CNTN4: variants seen among roughly 807,000 people sequenced by gnomAD.
CNTN4 encodes the protein contactin 4, also known as contactin-4.
In CNTN4, 77 loss-of-function variants were observed where a neutral mutation model predicts 122.5. The observed-to-expected ratio is 0.63, with a 90% CI of 0.52 to 0.76. The LOEUF (loss-of-function observed/expected upper bound fraction) is 0.76, where lower values mean the gene tolerates loss of function less well. Among genes scored for constraint, CNTN4 ranks in the 30% least tolerant of loss-of-function variants. CNTN4 has a pLI of 0.00. For missense variants in CNTN4, 1,256 were observed against 1,259.1 expected, an observed-to-expected ratio of 1.00 and a Z score of 0.04; for synonymous variants, 512 against 447.0, an observed-to-expected ratio of 1.15 and a Z score of -1.83.
rs77035785 is a variant in CNTN4, at chr3:2,872,336, A to G, written c.652+5387A>G. Among the ~76,000 whole-genome samples the G allele has an allele frequency of 1.4e-4, 22 of 152,354 alleles. No individual in the cohort carries two copies. In the East Asian group the frequency reaches 3.3e-3, roughly 23 times the overall value. On this transcript the variant is annotated intron_variant, in intron 8 of 24. Transcript: ENST00000418658. ...GAGAAGATGAGATAATGTCTGTTAC[A>G]CTGTTTATGCACATTACATTACACA...
At chr3:2,255,975 C>T (rs959619000) in intron 2 of CNTN4, among the ~76,000 whole-genome samples, 3 of 151,694 alleles carry the variant, frequency 2.0e-5, no homozygotes, top group Admixed American at 1.3e-4. Flanking sequence ...CATGAAAAAC[C>T]CTTAAAAAAA....
chr3:2,480,253 G>T (rs1233287532), intron 3 of CNTN4, among the ~76,000 whole-genome samples: 1 of 152,018 alleles, frequency 6.6e-6, no homozygotes, highest in Non-Finnish European at 1.5e-5. Flanking sequence ...CATCATACTA[G>T]ATGTTTTTAG....
chr3:2,973,473 C>G (rs1251531301), intron 13 of CNTN4, among the ~76,000 whole-genome samples: 2 of 151,916 alleles, frequency 1.3e-5, no homozygotes, highest in Non-Finnish European at 2.9e-5. Flanking sequence ...TGAAAGTGTT[C>G]AAAACCATTG....
At chr3:2,205,445 G>T (rs1000494067) in intron 2 of CNTN4, among the ~76,000 whole-genome samples, 13 of 151,532 alleles carry the variant, frequency 8.6e-5, no homozygotes, top group African/African-American at 3.2e-4. Context: ...GGAGTCAGGT[G>T]GTTTTTCTCT....
chr3:2,534,922 C>T (rs75345673), intron 3 of CNTN4, among the ~76,000 whole-genome samples: 36,433 of 149,082 alleles, frequency 0.24, 4,748 homozygotes, highest in East Asian at 0.54. Flanking sequence ...GCATCTGAAA[C>T]GAGAAGTGTG....
chr3:2,974,444 T>C (rs1343992628), intron 13 of CNTN4, among the ~76,000 whole-genome samples: 2 of 152,218 alleles, frequency 1.3e-5, no homozygotes, highest in South Asian at 2.1e-4. Context: ...AATTTTTACA[T>C]TTAACCTTCT....
intron 6 of CNTN4, among the ~76,000 whole-genome samples, chr3:2,813,360 A>C (rs13095462): frequency 0.51 from 77,623 of 152,000 alleles, 20,029 homozygotes; most frequent in East Asian, 0.6. Context: ...TCTAAGGCCA[A>C]CCTGGGAGAA....
In CNTN4 at chr3:2,906,016, G is replaced by A. The variant is rs887325153; in HGVS notation, c.1207+3011G>A. 7.2e-5 allele frequency among the ~76,000 whole-genome samples: 11 copies of A among 152,188 alleles called. 1 individual carries two copies. The highest frequency in any genetic ancestry group is 2.7e-4 in the African/African-American group (11 of 41,444). ...AATACTATGTAGCCATAAAGAAAAG[G>A]AGAAAATCCTGTCATTTGTGACAAA... On this transcript the variant is annotated intron_variant, in intron 12 of 24. Transcript: ENST00000418658.
chr3:2,462,600 G>T (rs1316788084), intron 3 of CNTN4, among the ~76,000 whole-genome samples: 1 of 152,134 alleles, frequency 6.6e-6, no homozygotes, highest in Non-Finnish European at 1.5e-5. Flanking sequence ...CCTTTTATCA[G>T]TCATGCAGCT....
intron 4 of CNTN4, among the ~76,000 whole-genome samples, chr3:2,711,955 CATTAT>C (rs903494369): frequency 2.0e-5 from 3 of 152,096 alleles, no homozygotes; most frequent in African/African-American, 4.8e-5. Flanking sequence ...ACTCTTCCTT[CATTAT>C]ATTAAGACTT....
chr3:2,768,086 T>C (rs1261751350), intron 6 of CNTN4, among the ~76,000 whole-genome samples: 2 of 152,240 alleles, frequency 1.3e-5, no homozygotes, highest in African/African-American at 4.8e-5. Flanking sequence ...ACAAATGTTT[T>C]ACATCTGTGG....
chr3:2,315,090 CA>C (rs1207897833), intron 2 of CNTN4, among the ~76,000 whole-genome samples: 3 of 151,780 alleles, frequency 2.0e-5, no homozygotes. Context: ...CATACAAAAA[CA>C]AAAGGAGCTT....
chr3:3,029,480 G>T (rs1413846323), intron 15 of CNTN4, among the ~76,000 whole-genome samples: 1 of 152,202 alleles, frequency 6.6e-6, no homozygotes, highest in African/African-American at 2.4e-5. Flanking sequence ...CACCAAAACT[G>T]TAGCTCTTCC....
At chr3:2,748,308 C>G (rs1278692445) in intron 6 of CNTN4, among the ~76,000 whole-genome samples, 1 of 152,146 alleles carries the variant, frequency 6.6e-6, no homozygotes, top group African/African-American at 2.4e-5. Flanking sequence ...CAGTGCTACC[C>G]AACCACGTTG....
chr3:2,804,065 G>GCACACACACA (rs71058651), intron 6 of CNTN4, among the ~76,000 whole-genome samples: 4,638 of 144,364 alleles, frequency 0.032, 139 homozygotes, highest in African/African-American at 0.079. Flanking sequence ...ATATATGTCT[G>GCACACACACA]CACACACACA....
At chr3:2,775,055 G>C (rs770898422) in intron 6 of CNTN4, among the ~76,000 whole-genome samples, 4 of 152,174 alleles carry the variant, frequency 2.6e-5, no homozygotes, top group Non-Finnish European at 5.9e-5. Context: ...CATATGCTCT[G>C]TGGGACAGTC....
chr3:3,034,246 C>T (rs1421873627), intron 16 of CNTN4, among the ~76,000 whole-genome samples: 2 of 152,204 alleles, frequency 1.3e-5, no homozygotes, highest in Non-Finnish European at 2.9e-5. Flanking sequence ...TCTATCTTTT[C>T]TCACTACCGT....
intron 2 of CNTN4, among the ~76,000 whole-genome samples, chr3:2,304,592 C>G (rs533104659): frequency 5.3e-5 from 8 of 151,974 alleles, no homozygotes; most frequent in Non-Finnish European, 1.2e-4. Context: ...AGATGAAACA[C>G]TGTTGGCCTT....
chr3:2,352,897 C>T (rs535634852), intron 3 of CNTN4, among the ~76,000 whole-genome samples: 2 of 152,280 alleles, frequency 1.3e-5, no homozygotes, highest in Admixed American at 6.5e-5. Flanking sequence ...CACCAGTCAG[C>T]ACTCTGTGTC....
Sources: gnomAD v4.1 joint callset for allele counts (sites outside exome capture counted in the v4.1 genomes callset) on GRCh38, gnomAD v4.1.1 for gene constraint, MANE v1.5 for transcripts, NCBI Gene and HGNC (gene_info 2026-07-23, HGNC 2026-07-21) for gene names.